Variants in CAMTA1 observed in about 807,000 individuals in gnomAD.
CAMTA1 encodes calmodulin binding transcription activator 1, also known as calmodulin-binding transcription activator 1.
CAMTA1 carries 27 observed loss-of-function variants against 170.9 expected under a neutral mutation model. That is an observed-to-expected ratio of 0.16 (90% CI 0.12 to 0.22). CAMTA1 has a LOEUF of 0.22. CAMTA1 is among the 10% of genes least tolerant of loss of function. The pLI is 1.00. For synonymous variants in CAMTA1, 833 were observed against 891.5 expected, an observed-to-expected ratio of 0.93 and a Z score of 1.17; for missense variants, 1,619 against 2,217.2, an observed-to-expected ratio of 0.73 and a Z score of 5.42.
At chr1:6,872,028 C>A (rs1382863110) in intron 3 of CAMTA1, 2 of 1,115,726 alleles carry the variant, frequency 1.8e-6, no homozygotes, top group Non-Finnish European at 1.1e-6. Context: ...AAAGTGTAAT[C>A]TGTGTTTTCA....
At chr1:7,640,924 C>T (rs1340729807) in intron 7 of CAMTA1, among the ~76,000 whole-genome samples, 3 of 152,116 alleles carry the variant, frequency 2.0e-5, no homozygotes, top group Non-Finnish European at 4.4e-5. Context: ...GTGGCGGGAG[C>T]GGACCCTGCC....
chr1:7,370,999 C>T (rs2086414802), intron 5 of CAMTA1, among the ~76,000 whole-genome samples: 1 of 140,638 alleles, frequency 7.1e-6, no homozygotes, highest in African/African-American at 2.6e-5. Context: ...GCAAGCTCCA[C>T]CTCCCAGGTT....
At chr1:7,071,221 A>G (rs551445056) in intron 3 of CAMTA1, among the ~76,000 whole-genome samples, 2 of 152,308 alleles carry the variant, frequency 1.3e-5, no homozygotes, top group African/African-American at 4.8e-5. Flanking sequence ...TGATGGGGCC[A>G]TGTCCCCTCT....
chr1:7,685,544 C>T lies in CAMTA1; in HGVS notation c.2914+7811C>T, dbSNP rs546057756. Among the ~76,000 whole-genome samples the T allele has an allele frequency of 2.6e-5, 4 of 152,316 alleles. No individual in the cohort carries two copies. Among genetic ancestry groups the T allele is most frequent in the South Asian group, 2.1e-4 (1 of 4,828 alleles). ...CGAAGCCCTCTGGCTCTGGGCAGTG[C>T]GATTCTGCCCCTCCCTCCCACTCCC... On this transcript the variant is annotated intron_variant, in intron 11 of 22. Coordinates refer to ENST00000303635, the MANE Select transcript of CAMTA1 (RefSeq NM_015215.4). The surrounding 1 kb of genome is among the most constrained non-coding windows in gnomAD (Gnocchi z 5.7).
chr1:7,083,961 C>CT (rs112707189), intron 3 of CAMTA1, among the ~76,000 whole-genome samples: 2,387 of 143,664 alleles, frequency 0.017, 26 homozygotes, highest in African/African-American at 0.037. Flanking sequence ...GGAGCCTTGG[C>CT]TTTTTTTTTT....
intron 5 of CAMTA1, among the ~76,000 whole-genome samples, chr1:7,309,360 C>T (rs1676101470): frequency 7.8e-6 from 1 of 128,194 alleles, no homozygotes; most frequent in African/African-American, 2.9e-5. Context: ...AGTGCAGTGA[C>T]ACGATCTCAG....
At chr1:7,697,707 C>T (rs2096391403) in intron 11 of CAMTA1, among the ~76,000 whole-genome samples, 1 of 152,146 alleles carries the variant, frequency 6.6e-6, no homozygotes, top group Admixed American at 6.5e-5. Context: ...TTCTTTTCTG[C>T]ATTATGTCCA....
intron 5 of CAMTA1, among the ~76,000 whole-genome samples, chr1:7,451,028 C>T (rs2092811698): frequency 6.6e-6 from 1 of 152,188 alleles, no homozygotes; most frequent in African/African-American, 2.4e-5. Context: ...CCAGGCAGGG[C>T]ACTGCATTAA....
At chr1:7,086,243 G>T (rs551071218) in intron 3 of CAMTA1, among the ~76,000 whole-genome samples, 3 of 151,980 alleles carry the variant, frequency 2.0e-5, no homozygotes, top group Non-Finnish European at 4.4e-5. Context: ...TCTCAGCATC[G>T]ATGTGGTATT....
intron 4 of CAMTA1, among the ~76,000 whole-genome samples, chr1:7,119,038 C>T (rs1305763712): frequency 6.6e-6 from 1 of 152,154 alleles, no homozygotes; most frequent in Non-Finnish European, 1.5e-5. Flanking sequence ...TCCCGGATAC[C>T]CGTGCAGTTC....
chr1:6,884,335 C>CACACACACACACACACACACAA (rs776481131), intron 3 of CAMTA1, among the ~76,000 whole-genome samples: 1 of 143,924 alleles, frequency 6.9e-6, no homozygotes, highest in African/African-American at 2.6e-5. Flanking sequence ...CACACACACA[C>CACACACACACACACACACACAA]AATTTTGTTT....
At chr1:7,204,387 A>AT (rs961742498) in intron 4 of CAMTA1, among the ~76,000 whole-genome samples, 4 of 151,944 alleles carry the variant, frequency 2.6e-5, no homozygotes, top group African/African-American at 7.3e-5. Flanking sequence ...CAATATTCGT[A>AT]TTTTTTTATT....
intron 3 of CAMTA1, among the ~76,000 whole-genome samples, chr1:7,026,865 T>C (rs1702092899): frequency 6.6e-6 from 1 of 152,142 alleles, no homozygotes; most frequent in Non-Finnish European, 1.5e-5. Context: ...CCTGACCTCA[T>C]GATCCACCCA....
At chr1:7,457,488 C>CTCAGTGTCCCCGGGCCAGGCTGTGTCCCA (rs2092986050) in intron 5 of CAMTA1, among the ~76,000 whole-genome samples, 2 of 151,942 alleles carry the variant, frequency 1.3e-5, no homozygotes, top group Non-Finnish European at 2.9e-5. Flanking sequence ...GTTAGGTCCC[C>CTCAGTGTCCCCGGGCCAGGCTGTGTCCCA]TGCCCCTCAG....
intron 3 of CAMTA1, among the ~76,000 whole-genome samples, chr1:7,011,901 A>G (rs2100791438): frequency 6.6e-6 from 1 of 152,170 alleles, no homozygotes; most frequent in East Asian, 1.9e-4. Flanking sequence ...CACTCTTCAA[A>G]TACCACATCC....
intron 7 of CAMTA1, among the ~76,000 whole-genome samples, chr1:7,647,144 G>A (rs530605025): frequency 4.6e-5 from 7 of 152,318 alleles, no homozygotes; most frequent in African/African-American, 1.4e-4. Context: ...GCAGAGCCCA[G>A]GATCCCCAGA....
chr1:6,992,651 G>A (rs1318876675), intron 3 of CAMTA1, among the ~76,000 whole-genome samples: 1 of 152,194 alleles, frequency 6.6e-6, no homozygotes, highest in Non-Finnish European at 1.5e-5. Flanking sequence ...ATTATGGCAG[G>A]AGGGAAAGCA....
In CAMTA1 at chr1:7,498,403, ATGAG is replaced by A. The variant is rs532192141; in HGVS notation, c.510+30505_510+30508del. On this transcript the variant is annotated intron_variant, in intron 6 of 22. Coordinates refer to ENST00000303635, the MANE Select transcript of CAMTA1 (RefSeq NM_015215.4). ...AGTGGATGTGTGTGAGTGAATGTGT[ATGAG>A]TGTGTATGAGTGTGTGGATGTGCGT... Among the ~76,000 whole-genome samples, 680 of 146,382 alleles carry A rather than the reference ATGAG, an allele frequency of 4.6e-3. 2 individuals are homozygous for A. The highest frequency in any genetic ancestry group is 7.5e-3 in the Non-Finnish European group (499 of 66,216).
chr1:7,003,390 A>G (rs926098706), intron 3 of CAMTA1, among the ~76,000 whole-genome samples: 1 of 152,180 alleles, frequency 6.6e-6, no homozygotes, highest in African/African-American at 2.4e-5. Flanking sequence ...TGCTCTGTCA[A>G]TGTAGAGTAA....
Sources: allele counts gnomAD v4.1 joint callset (sites outside exome capture counted in the v4.1 genomes callset), GRCh38; gene constraint gnomAD v4.1.1; non-coding constraint Gnocchi (gnomAD v3.1); transcripts MANE v1.5; gene names NCBI Gene and HGNC (gene_info 2026-07-23, HGNC 2026-07-21).